The following FSIP2 variants were observed in gnomAD, a reference collection of about 807,000 sequenced individuals.
The protein encoded by FSIP2 is fibrous sheath interacting protein 2.
Under a neutral mutation model 510.5 loss-of-function variants are expected in FSIP2, and 367 were observed. The ratio of observed to expected loss-of-function variants is 0.72; its 90% confidence interval spans 0.66 to 0.78. The LOEUF is 0.78. Among genes scored for constraint, FSIP2 ranks in the 30% least tolerant of loss-of-function variants. FSIP2 has a pLI of 0.00. For missense variants in FSIP2, 7,594 were observed against 7,901.7 expected (o/e 0.96, Z 1.48); for synonymous variants, 2,601 against 2,732.2 (o/e 0.95, Z 1.50).
intron 19 of FSIP2, among the ~76,000 whole-genome samples, chr2:185,818,724 A>G (rs976511221): frequency 2.0e-5 from 3 of 151,908 alleles, no homozygotes; most frequent in African/African-American, 4.8e-5. Context: ...CCAGCAAAAA[A>G]TGTTCTTCAA....
Position 185,801,271 on chromosome 2 carries a change from A to C in FSIP2, c.11965A>C (p.Met3989Leu), listed in dbSNP as rs1232306047. The C allele has an allele frequency of 1.4e-5, 22 of 1,533,734 alleles. No homozygotes were observed. Among genetic ancestry groups the C allele is most frequent in the Non-Finnish European group, 1.9e-5 (22 of 1,145,426 alleles). Reference sequence around the variant, plus strand: ...TTCAGAATTGTTTTTTAATCTCTCTATGTCATTGTGGGGCAAAAATAAAAA... The same window carrying C: ...TTCAGAATTGTTTTTTAATCTCTCTCTGTCATTGTGGGGCAAAAATAAAAA... ...IISELFFNLS[M>L]SLWGKNKNIT... is the part of the protein sequence containing the mutation. Residue 3989 changes from methionine to leucine, a missense_variant, in exon 17 of 23, where the codon ATG becomes CTG. Coordinates refer to ENST00000424728, the MANE Select transcript of FSIP2 (RefSeq NM_173651.4).
intron 8 of FSIP2, among the ~76,000 whole-genome samples, chr2:185,755,492 G>C (rs904324130): frequency 6.6e-6 from 1 of 151,564 alleles, no homozygotes; most frequent in Non-Finnish European, 1.5e-5. Flanking sequence ...GTATGAAAAT[G>C]AGTTTAATTT....
At chr2:185,819,238 A>C (rs1193019289) in intron 19 of FSIP2, among the ~76,000 whole-genome samples, 1 of 151,974 alleles carries the variant, frequency 6.6e-6, no homozygotes, top group Non-Finnish European at 1.5e-5. Context: ...TGTGTCACTA[A>C]AAAGTTCAAC....
Position 185,807,065 on chromosome 2 carries a change from C to A in FSIP2, c.17759C>A (p.Ser5920Tyr). The A allele has an allele frequency of 3.8e-6, 6 of 1,591,250 alleles. No homozygotes were observed. Among genetic ancestry groups the A allele is most frequent in the Non-Finnish European group, 2.6e-6 (3 of 1,172,192 alleles). ...KTLVNKVVHS[S>Y]VCNILNDYGS... ...TTGGTCAATAAAGTTGTTCACTCCT[C>A]TGTTTGTAATATTTTAAATGACTAT... The change falls in exon 17 of 23, where the codon TCT becomes TAT. Residue 5920 changes from serine to tyrosine, a missense_variant. Coordinates refer to ENST00000424728, the MANE Select transcript of FSIP2 (RefSeq NM_173651.4).
intron 2 of FSIP2, 135 bp downstream of exon 2, chr2:185,739,606 C>A (rs887205219): frequency 1.2e-4 from 89 of 748,580 alleles, no homozygotes; most frequent in Non-Finnish European, 1.5e-4. Flanking sequence ...CACATCTGAC[C>A]GAAGGTATTG....
chr2:185,811,757 C>A (rs1458723200), intron 17 of FSIP2, among the ~76,000 whole-genome samples: 1 of 152,100 alleles, frequency 6.6e-6, no homozygotes, highest in Non-Finnish European at 1.5e-5. Flanking sequence ...TAACATTCCT[C>A]ACATTCCCAC....
Position 185,792,721 on chromosome 2 carries a change from G to A in FSIP2, c.5585G>A (p.Arg1862Lys). 2 of 1,533,988 alleles carry A rather than the reference G, an allele frequency of 1.3e-6. No individual in the cohort carries two copies. Among genetic ancestry groups the A allele is most frequent in the East Asian group, 2.4e-5 (1 of 40,830 alleles). ...CTTTATTCAGCTGCCATGACAGAAA[G>A]AAATGTAAGGGAAAATAGGTATAAA... is the stretch of plus-strand genomic sequence containing the variant. The part of the protein sequence containing the change: ...HKLYSAAMTE[R>K]NVRENRYKTI... Residue 1862 changes from arginine to lysine, a missense_variant, in exon 16 of 23, where the codon AGA becomes AAA. Arg to Lys is a conservative substitution (Grantham distance 26). Coordinates refer to ENST00000424728, the MANE Select transcript of FSIP2 (RefSeq NM_173651.4).
At chr2:185,762,332 G>C (rs142564659) in intron 11 of FSIP2, among the ~76,000 whole-genome samples, 1 of 151,094 alleles carries the variant, frequency 6.6e-6, no homozygotes, top group African/African-American at 2.4e-5. Flanking sequence ...CCCCAAGATT[G>C]TTTCCATATT....
Position 185,761,973 on chromosome 2 carries a change from G to A in FSIP2, c.1196G>A (p.Arg399Lys), listed in dbSNP as rs1692360964. 6.8e-6 allele frequency: 10 copies of A among 1,472,442 alleles called. No individual in the cohort carries two copies. Among genetic ancestry groups the A allele is most frequent in the African/African-American group, 1.4e-5 (1 of 71,440 alleles). The allele number at this position is 1,472,442 out of a possible 1,614,324, so 91.2% of individuals were successfully genotyped here. The change falls in exon 11 of 23, where the codon AGA becomes AAA. Residue 399 changes from arginine (R) to lysine (K), a missense_variant and splice_region_variant. Arg to Lys is a conservative substitution (Grantham distance 26). Coordinates refer to ENST00000424728, the MANE Select transcript of FSIP2 (RefSeq NM_173651.4). Reference sequence around the variant, plus strand: ...TCTCTTCAATGTGGTACCATGTAGAGAGATGGGATGGTATCTAAAAACTCA... The same window carrying A: ...TCTCTTCAATGTGGTACCATGTAGAAAGATGGGATGGTATCTAAAAACTCA... ...DVQDNGINQKRDGMVSKNSSI... is the reference protein window; with the variant it reads ...DVQDNGINQKKDGMVSKNSSI...
In FSIP2 at chr2:185,807,869, C is replaced by T; in HGVS notation, c.18563C>T (p.Ser6188Leu). ...IIEEIAVKFLSKLLSIFPKVH... is the reference protein window; with the variant it reads ...IIEEIAVKFLLKLLSIFPKVH... ...GAAGAAATTGCTGTGAAATTTTTAT[C>T]AAAGCTTTTATCTATATTTCCAAAA... The change falls in exon 17 of 23, where the codon TCA (serine) becomes TTA (leucine). Residue 6188 changes from serine (S) to leucine (L), a missense_variant. By Grantham distance (145) the Ser-to-Leu change is moderately radical. Transcript: ENST00000424728. 6.2e-7 allele frequency: 1 copy of T among 1,608,320 alleles called. No individual in the cohort carries two copies.
chr2:185,758,686 C>T (rs1363861227), intron 9 of FSIP2, among the ~76,000 whole-genome samples: 1 of 151,030 alleles, frequency 6.6e-6, no homozygotes. Flanking sequence ...TTGATATCTT[C>T]CTTGCTACCT....
intron 13 of FSIP2, among the ~76,000 whole-genome samples, chr2:185,773,801 T>G (rs938306078): frequency 2.6e-5 from 4 of 152,220 alleles, no homozygotes; most frequent in African/African-American, 9.6e-5. Context: ...CTCTTCTTGT[T>G]TCTTTCCATG....
chr2:185,797,609 T>C (rs1693322998), intron 16 of FSIP2, 83 bp downstream of exon 16: 1 of 1,361,266 alleles, frequency 7.3e-7, no homozygotes, highest in South Asian at 1.5e-5. Flanking sequence ...ATCTCCTGTC[T>C]AAAAAGCTGT....
intron 7 of FSIP2, among the ~76,000 whole-genome samples, chr2:185,749,223 A>G (rs1692096187): frequency 6.6e-6 from 1 of 151,986 alleles, no homozygotes; most frequent in Non-Finnish European, 1.5e-5. Flanking sequence ...CATTAACTCT[A>G]TAGGTCAGTT....
In FSIP2 at chr2:185,806,377, C is replaced by G; in HGVS notation, c.17071C>G (p.Leu5691Val). 1 of 1,611,180 alleles carries G rather than the reference C, an allele frequency of 6.2e-7. No homozygotes were observed. The highest frequency in any genetic ancestry group is 8.5e-7 in the Non-Finnish European group (1 of 1,178,412). ...AAATATTTTTGAAGATGTTTTAGAA[C>G]TATCTTCTTCTCCAGAACCAGCATA... ...IENIFEDVLE[L>V]SSSPEPAYYS... The change falls in exon 17 of 23, where the codon CTA becomes GTA. Residue 5691 changes from leucine to valine, a missense_variant. Leu to Val is a conservative substitution (Grantham distance 32). Transcript: ENST00000424728.
rs1271640101 is a variant in FSIP2 at position 185,789,184 on chromosome 2, T to G, written c.2048T>G (p.Met683Arg). Residue 683 changes from methionine (M) to arginine (R), a missense_variant, in exon 16 of 23, where the codon ATG becomes AGG. By Grantham distance (91) the Met-to-Arg change is moderately conservative (BLOSUM62 -1). Coordinates refer to ENST00000424728, the MANE Select transcript of FSIP2 (RefSeq NM_173651.4). ...SLHCDKTAKAMDEMKNLKNVF... is the reference protein window; with the variant it reads ...SLHCDKTAKARDEMKNLKNVF... Reference sequence around the variant, plus strand: ...CATTGTGATAAAACAGCAAAAGCCATGGATGAAATGAAGAATTTAAAAAAT... The same window carrying G: ...CATTGTGATAAAACAGCAAAAGCCAGGGATGAAATGAAGAATTTAAAAAAT... 7 of 1,534,522 alleles carry G rather than the reference T, an allele frequency of 4.6e-6. No homozygotes were observed. The highest frequency in any genetic ancestry group is 6.1e-6 in the Non-Finnish European group (7 of 1,145,730).
Position 185,807,737 on chromosome 2 carries a change from T to C in FSIP2, c.18431T>C (p.Val6144Ala). 6.2e-7 allele frequency: 1 copy of C among 1,612,428 alleles called. No individual in the cohort carries two copies. Among genetic ancestry groups the C allele is most frequent in the Non-Finnish European group, 8.5e-7 (1 of 1,179,148 alleles). ...GGAGAGCTAACTCCACATCAGTGTGTGGAAGTTGAAAACATCGTTGAAAAG... is the reference window on the plus strand; with the variant it reads ...GGAGAGCTAACTCCACATCAGTGTGCGGAAGTTGAAAACATCGTTGAAAAG... The part of the protein sequence containing the change: ...FCGELTPHQC[V>A]EVENIVEKIL... The change falls in exon 17 of 23, where the codon GTG becomes GCG. Residue 6144 changes from valine to alanine, a missense_variant. By Grantham distance (64) the Val-to-Ala change is moderately conservative. Coordinates refer to ENST00000424728, the MANE Select transcript of FSIP2 (RefSeq NM_173651.4).
intron 2 of FSIP2, among the ~76,000 whole-genome samples, chr2:185,742,791 ATG>A (rs72411434): frequency 0.022 from 3,293 of 152,290 alleles, 101 homozygotes; most frequent in African/African-American, 0.069. Context: ...GGAGAAGGAA[ATG>A]AGAGAATCCT....
Position 185,799,687 on chromosome 2 carries a change from C to CT in FSIP2, c.10391-4dup. ...ATCCATGCTAAAATTACAATGTTTC[C>CT]TTTTTTAAGTTTTTAGTGAGGAAAA... On this transcript the variant is annotated splice_polypyrimidine_tract_variant and intron_variant, in intron 16 of 22. Coordinates refer to ENST00000424728, the MANE Select transcript of FSIP2 (RefSeq NM_173651.4). 1 of 1,197,618 alleles carries CT rather than the reference C, an allele frequency of 8.3e-7. No individual in the cohort carries two copies. The highest frequency in any genetic ancestry group is 1.1e-6 in the Non-Finnish European group (1 of 907,346). The allele number at this position is 1,197,618 out of a possible 1,614,324, so 74.2% of individuals were successfully genotyped here. A position where few individuals can be genotyped will look rare whatever the true frequency, so the allele number is the denominator to read the frequency against.
Sources: allele counts gnomAD v4.1 joint callset (sites outside exome capture counted in the v4.1 genomes callset), GRCh38; gene constraint gnomAD v4.1.1; transcripts MANE v1.5; gene names NCBI Gene and HGNC (gene_info 2026-07-23, HGNC 2026-07-21).